EVL: variants seen among roughly 807,000 people sequenced by gnomAD.
EVL encodes the protein Enah/Vasp-like.
EVL carries 21 observed loss-of-function variants against 59.6 expected under a neutral mutation model. That is an observed-to-expected ratio of 0.35 (90% CI 0.25 to 0.51). The LOEUF (loss-of-function observed/expected upper bound fraction) is 0.51. EVL is among the 20% of genes least tolerant of loss of function. The probability of loss-of-function intolerance (pLI) is 0.97; values close to 1 mark genes in which losing one functional copy is unlikely to be tolerated. For missense variants in EVL, 462 were observed against 546.6 expected, an observed-to-expected ratio of 0.85 and a Z score of 1.54; for synonymous variants, 198 against 203.5, an observed-to-expected ratio of 0.97 and a Z score of 0.23.
At chr14:100,000,787 T>C (rs961962804) in intron 1 of EVL, among the ~76,000 whole-genome samples, 11 of 152,170 alleles carry the variant, frequency 7.2e-5, no homozygotes, top group African/African-American at 2.4e-4. Flanking sequence ...CTTAGTGAAT[T>C]TGGGGCCCCA....
chr14:99,981,990 G>A (rs978076665), intron 1 of EVL, among the ~76,000 whole-genome samples: 2 of 152,168 alleles, frequency 1.3e-5, no homozygotes, highest in Non-Finnish European at 2.9e-5. Flanking sequence ...TGGTAACTCA[G>A]GGGAAAGCAC....
chr14:100,085,819 G>C (rs2062427876), intron 2 of EVL, among the ~76,000 whole-genome samples: 1 of 152,106 alleles, frequency 6.6e-6, no homozygotes, highest in Admixed American at 6.5e-5. Context: ...CTCTACCCCA[G>C]GACCCCTGAT....
At chr14:100,133,572 A>G (rs1888577648) in intron 8 of EVL, among the ~76,000 whole-genome samples, 1 of 152,180 alleles carries the variant, frequency 6.6e-6, no homozygotes, top group African/African-American at 2.4e-5. Context: ...TCCTGGGCAC[A>G]TATGGGTCCC....
chr14:100,078,678 G>A (rs954029389), intron 1 of EVL, among the ~76,000 whole-genome samples: 1 of 152,114 alleles, frequency 6.6e-6, no homozygotes, highest in African/African-American at 2.4e-5. Flanking sequence ...ATCAGCTGGC[G>A]GGGTGCTTGT....
At chr14:100,128,427 C>G in intron 5 of EVL, 92 bp from the exon 6 acceptor site, 3 of 1,322,160 alleles carry the variant, frequency 2.3e-6, no homozygotes, top group Non-Finnish European at 3.3e-6. Flanking sequence ...CAGCCTGCCC[C>G]TGTCCTTCCT....
At chr14:100,028,767 C>T (rs1044127964) in intron 1 of EVL, among the ~76,000 whole-genome samples, 48 of 152,288 alleles carry the variant, frequency 3.2e-4, no homozygotes, top group African/African-American at 1.1e-3. Flanking sequence ...GCCAAGTTCA[C>T]GCCACTGCAC....
At position 100,141,163 on chromosome 14, in the gene EVL, G is replaced by A. The variant is rs1889141145; in HGVS notation, c.1095-17G>A. On this transcript the variant is annotated splice_polypyrimidine_tract_variant and intron_variant, in intron 11 of 13. Coordinates refer to ENST00000392920, the MANE Select transcript of EVL (RefSeq NM_016337.3). ...CCTGTCTCCAGCCAGGGCACCCACAGGCCCTTTCTCTCCCAGGATGAAGCC... is the reference window on the plus strand; with the variant it reads ...CCTGTCTCCAGCCAGGGCACCCACAAGCCCTTTCTCTCCCAGGATGAAGCC... The A allele has an allele frequency of 6.2e-7, 1 of 1,613,116 alleles. No homozygotes were observed. The highest frequency in any genetic ancestry group is 8.5e-7 in the Non-Finnish European group (1 of 1,179,656).
chr14:100,033,191 TA>T (rs2061339893), intron 1 of EVL, among the ~76,000 whole-genome samples: 1 of 152,224 alleles, frequency 6.6e-6, no homozygotes, highest in South Asian at 2.1e-4. Context: ...TTTGAGTTAG[TA>T]AAAACCCATG....
intron 4 of EVL, among the ~76,000 whole-genome samples, 179 bp downstream of exon 4, chr14:100,123,781 C>T (rs901134966): frequency 2.0e-5 from 3 of 152,190 alleles, no homozygotes; most frequent in Non-Finnish European, 2.9e-5. Context: ...GATGCGCAGC[C>T]GCTGGTCCCG....
intron 8 of EVL, among the ~76,000 whole-genome samples, chr14:100,134,000 C>T (rs1339132564): frequency 6.6e-6 from 1 of 152,198 alleles, no homozygotes; most frequent in Non-Finnish European, 1.5e-5. Flanking sequence ...TCACAAAGCT[C>T]CTCACTACTT....
At position 99,984,320 on chromosome 14, in the gene EVL, A is replaced by G. The variant is rs116843442; in HGVS notation, c.5+12263A>G. ...TGATTTCTTTGTAAGGACGTTATCC[A>G]CTGTAACCCTTAGTATCCCAGATGT... On this transcript the variant is annotated intron_variant, in intron 1 of 13. Transcript: ENST00000402714. Among the ~76,000 whole-genome samples, 1,238 of 152,306 alleles carry G rather than the reference A, an allele frequency of 8.1e-3. 6 individuals carry two copies. Among genetic ancestry groups the G allele is most frequent in the Non-Finnish European group, 0.013 (863 of 68,028 alleles).
intron 11 of EVL, chr14:100,140,817 C>G (rs1889121406): frequency 5.5e-6 from 1 of 182,294 alleles, no homozygotes; most frequent in Non-Finnish European, 1.1e-5. Context: ...GAGCTCCCAC[C>G]CTGAGGAGGA....
chr14:100,100,383 A>G (rs1469926283), intron 3 of EVL, among the ~76,000 whole-genome samples: 1 of 152,180 alleles, frequency 6.6e-6, no homozygotes, highest in Non-Finnish European at 1.5e-5. Flanking sequence ...CCTGCAGCCC[A>G]CTGACGAATA....
rs7151980 is a variant in EVL at position 100,079,478 on chromosome 14, C to T, written c.12-5209C>T. ...TCACAGGCTGGTGGTGCAGACACCTCAGCAGATTCGGAGAGGCAGGACAAA... is the reference window on the plus strand; with the variant it reads ...TCACAGGCTGGTGGTGCAGACACCTTAGCAGATTCGGAGAGGCAGGACAAA... On this transcript the variant is annotated intron_variant, in intron 1 of 13. Transcript: ENST00000392920. Among the ~76,000 whole-genome samples, 916 of 152,286 alleles carry T rather than the reference C, an allele frequency of 6.0e-3. 10 individuals are homozygous for T. The highest frequency in any genetic ancestry group is 0.021 in the African/African-American group (878 of 41,560).
At position 100,098,018 on chromosome 14, in the gene EVL, A is replaced by G. The variant is rs188649154; in HGVS notation, c.358+360A>G. On this transcript the variant is annotated intron_variant, in intron 3 of 13. Coordinates refer to ENST00000392920, the MANE Select transcript of EVL (RefSeq NM_016337.3). ...AATTTATTTTTGAATTTAATTATTC[A>G]TTCATATGTTTAACAAAAGTTTATT... 7.6e-3 allele frequency among the ~76,000 whole-genome samples: 1,165 copies of G among 152,298 alleles called. 15 individuals are homozygous for G. The highest frequency in any genetic ancestry group is 7.9e-3 in the Non-Finnish European group (539 of 68,038).
At chr14:100,063,030 T>A (rs1421018305), upstream of EVL, among the ~76,000 whole-genome samples, 1 of 152,182 alleles carries the variant, frequency 6.6e-6, no homozygotes, top group East Asian at 1.9e-4. Context: ...GCCAGGAGTT[T>A]GAGGCTGCAG....
intron 1 of EVL, among the ~76,000 whole-genome samples, chr14:100,026,701 A>G (rs2061219704): frequency 6.6e-6 from 1 of 152,128 alleles, no homozygotes; most frequent in Non-Finnish European, 1.5e-5. Context: ...CTTCTTCTCT[A>G]CCAAAGCATG....
chr14:100,143,272 G>A (rs1889304241), intron 13 of EVL, among the ~76,000 whole-genome samples: 1 of 152,042 alleles, frequency 6.6e-6, no homozygotes. Flanking sequence ...GCAGGAGCTG[G>A]GAGGGCAGAG....
intron 1 of EVL, among the ~76,000 whole-genome samples, chr14:100,036,884 A>G (rs2061397519): frequency 6.6e-6 from 1 of 152,112 alleles, no homozygotes; most frequent in South Asian, 2.1e-4. Flanking sequence ...TTAAGGATGT[A>G]ATTAAGGTTA....
Sources: allele counts gnomAD v4.1 joint callset (sites outside exome capture counted in the v4.1 genomes callset), GRCh38; gene constraint gnomAD v4.1.1; transcripts MANE v1.5; gene names NCBI Gene and HGNC (gene_info 2026-07-23, HGNC 2026-07-21).